MSH3: variants seen among roughly 807,000 people sequenced by gnomAD.
The protein encoded by MSH3 is DNA mismatch repair protein Msh3.
MSH3 carries 106 observed loss-of-function variants against 123.3 expected under a neutral mutation model. That is an observed-to-expected ratio of 0.86 (90% CI 0.73 to 1.01). The LOEUF (loss-of-function observed/expected upper bound fraction) is 1.01, where lower values mean the gene tolerates loss of function less well. MSH3 is among the 50% of genes least tolerant of loss of function. The pLI is 0.00. For missense variants in MSH3, 1,459 were observed against 1,347.6 expected (o/e 1.08, Z -1.29); for synonymous variants, 515 against 481.4 (o/e 1.07, Z -0.91).
intron 10 of MSH3, among the ~76,000 whole-genome samples, chr5:80,731,530 A>G (rs778974694): frequency 1.9e-4 from 29 of 151,496 alleles, no homozygotes; most frequent in African/African-American, 7.3e-5. Context: ...ATTATTATAT[A>G]TAGTATTAAT....
intron 17 of MSH3, among the ~76,000 whole-genome samples, chr5:80,783,879 C>T (rs555947617): frequency 1.4e-4 from 21 of 152,198 alleles, no homozygotes; most frequent in African/African-American, 7.2e-5. Context: ...AGACAGCATA[C>T]GCCACAGTGC....
chr5:80,680,953 C>T (rs920116761), intron 8 of MSH3, among the ~76,000 whole-genome samples: 2 of 152,016 alleles, frequency 1.3e-5, no homozygotes, highest in South Asian at 2.1e-4. Flanking sequence ...TACTCATGTG[C>T]GTTTCTGATG....
intron 8 of MSH3, among the ~76,000 whole-genome samples, chr5:80,705,883 G>A (rs1048705227): frequency 2.6e-5 from 4 of 152,076 alleles, no homozygotes; most frequent in Non-Finnish European, 5.9e-5. Flanking sequence ...TCTCTGCAAA[G>A]ACCCTATCTT....
chr5:80,675,466 G>A (rs1445474642), intron 7 of MSH3, among the ~76,000 whole-genome samples: 1 of 152,124 alleles, frequency 6.6e-6, no homozygotes, highest in Admixed American at 6.5e-5. Flanking sequence ...CATGGCGAAA[G>A]GCGAAGGGGA....
chr5:80,730,481 T>C (rs984902378), intron 10 of MSH3, among the ~76,000 whole-genome samples: 5 of 152,178 alleles, frequency 3.3e-5, no homozygotes, highest in African/African-American at 9.7e-5. Flanking sequence ...TGATGTTTCA[T>C]TTCTGAATGT....
chr5:80,827,735 G>C (rs1246610080), intron 20 of MSH3, among the ~76,000 whole-genome samples: 1 of 151,966 alleles, frequency 6.6e-6, no homozygotes, highest in Non-Finnish European at 1.5e-5. Flanking sequence ...TGAATTTAAG[G>C]CTTGTTCCTT....
chr5:80,735,746 T>C (rs1743494487), intron 10 of MSH3, among the ~76,000 whole-genome samples: 1 of 152,078 alleles, frequency 6.6e-6, no homozygotes, highest in Non-Finnish European at 1.5e-5. Context: ...TTAGAAAAAC[T>C]GTCCTAAAAA....
chr5:80,673,687 G>A (rs1749771128), intron 6 of MSH3, among the ~76,000 whole-genome samples: 2 of 152,128 alleles, frequency 1.3e-5, no homozygotes, highest in Non-Finnish European at 2.9e-5. Context: ...TTGAAAATGG[G>A]CTGTGGGTGA....
At chr5:80,746,338 C>T in intron 12 of MSH3, 1 of 359,116 alleles carries the variant, frequency 2.8e-6, no homozygotes, top group Middle Eastern at 9.7e-4. Flanking sequence ...AAGGACGTTT[C>T]ACTTCTGTTC....
chr5:80,689,734 C>CTTTAT (rs933117600), intron 8 of MSH3, among the ~76,000 whole-genome samples: 8 of 138,954 alleles, frequency 5.8e-5, no homozygotes, highest in South Asian at 4.6e-4. Context: ...TTTTTTTGAT[C>CTTTAT]TTTATTTTAT....
At chr5:80,814,855 G>A (rs766368029) in intron 20 of MSH3, among the ~76,000 whole-genome samples, 47 of 152,228 alleles carry the variant, frequency 3.1e-4, no homozygotes, top group Non-Finnish European at 5.9e-4. Context: ...ATTTTATGCC[G>A]TGTTAGGAAT....
intron 14 of MSH3, 29 bp downstream of exon 14, chr5:80,768,149 T>C (rs755972849): frequency 1.3e-6 from 2 of 1,586,518 alleles, no homozygotes; most frequent in Non-Finnish European, 1.7e-6. Flanking sequence ...ATTCTTCCTT[T>C]TCACCAGTCA....
rs6151834 is a variant in MSH3 at position 80,785,743 on chromosome 5, A to C, written c.2436-1822A>C. On this transcript the variant is annotated intron_variant, in intron 17 of 23. Transcript: ENST00000265081. ...ATAGCAAAGACTTGGAACCAACCCA[A>C]ATGTCCAAGAATGATAGACTGGATT... is the stretch of plus-strand genomic sequence containing the variant. 8.0e-4 allele frequency among the ~76,000 whole-genome samples: 122 copies of C among 152,294 alleles called. 1 individual carries two copies. In the Middle Eastern group the frequency reaches 0.014, roughly 17 times the overall value.
chr5:80,767,893 GTA>G, intron 13 of MSH3, 38 bp from the exon 14 acceptor site: 2 of 1,461,272 alleles, frequency 1.4e-6, no homozygotes, highest in Non-Finnish European at 1.9e-6. Context: ...TCATTTTCAT[GTA>G]TCTTATGCTA....
At chr5:80,836,028 A>T (rs1015572549) in intron 20 of MSH3, among the ~76,000 whole-genome samples, 1 of 152,186 alleles carries the variant, frequency 6.6e-6, no homozygotes, top group Non-Finnish European at 1.5e-5. Context: ...GTACTTTTTG[A>T]TATCTTATTA....
At chr5:80,728,814 G>T (rs776951903) in intron 9 of MSH3, 37 bp from the exon 10 acceptor site, 7 of 1,130,556 alleles carry the variant, frequency 6.2e-6, no homozygotes, top group East Asian at 4.7e-5. Context: ...TAATTTAAAA[G>T]AATTTTTATA....
intron 12 of MSH3, among the ~76,000 whole-genome samples, chr5:80,758,162 G>C (rs537417943): frequency 1.3e-5 from 2 of 152,112 alleles, no homozygotes; most frequent in Non-Finnish European, 2.9e-5. Flanking sequence ...AGCTTTTCTT[G>C]TATAATTCCC....
At chr5:80,726,775 T>A (rs894259501) in intron 9 of MSH3, among the ~76,000 whole-genome samples, 2 of 152,152 alleles carry the variant, frequency 1.3e-5, no homozygotes, top group Non-Finnish European at 2.9e-5. Flanking sequence ...CAGCCAAGTG[T>A]ATCCCACTTC....
At chr5:80,871,182 C>T (rs1028367704) in intron 22 of MSH3, among the ~76,000 whole-genome samples, 1 of 152,118 alleles carries the variant, frequency 6.6e-6, no homozygotes, top group Non-Finnish European at 1.5e-5. Context: ...CTTCAGCCAG[C>T]CCTGCAGAGA....
Sources: gnomAD v4.1 joint callset for allele counts (sites outside exome capture counted in the v4.1 genomes callset) on GRCh38, gnomAD v4.1.1 for gene constraint, MANE v1.5 for transcripts, NCBI Gene and HGNC (gene_info 2026-07-23, HGNC 2026-07-21) for gene names.